CLIP1: variants seen among roughly 807,000 people sequenced by gnomAD.
CLIP1 encodes the protein CAP-Gly domain-containing linker protein 1.
CLIP1 carries 66 observed loss-of-function variants against 161.6 expected under a neutral mutation model. The observed-to-expected ratio is 0.41, with a 90% CI of 0.33 to 0.50. The LOEUF is 0.50. Among genes scored for constraint, CLIP1 ranks in the 20% least tolerant of loss-of-function variants. The pLI is 0.27. For missense variants in CLIP1, 1,376 were observed against 1,702.0 expected, an observed-to-expected ratio of 0.81 and a Z score of 3.37; for synonymous variants, 598 against 626.2, an observed-to-expected ratio of 0.96 and a Z score of 0.67.
intron 24 of CLIP1, chr12:122,277,431 CT>C (rs1955476110): frequency 6.6e-6 from 1 of 151,636 alleles, no homozygotes; most frequent in African/African-American, 2.4e-5. Context: ...ATCATCCCAC[CT>C]TGGCCTCCCA....
intron 1 of CLIP1, among the ~76,000 whole-genome samples, chr12:122,402,288 G>C (rs1412397301): frequency 6.6e-6 from 1 of 152,134 alleles, no homozygotes; most frequent in Non-Finnish European, 1.5e-5. Flanking sequence ...AGGATTTCAA[G>C]ACAAGCCTGA....
intron 10 of CLIP1, chr12:122,343,325 G>A (rs759496316): frequency 1.3e-5 from 2 of 152,024 alleles, no homozygotes; most frequent in Non-Finnish European, 2.9e-5. Context: ...TAGAGACGGG[G>A]TTTCACTATG....
At chr12:122,403,862 A>G (rs1956227032) in intron 1 of CLIP1, among the ~76,000 whole-genome samples, 1 of 152,084 alleles carries the variant, frequency 6.6e-6, no homozygotes, top group Admixed American at 6.6e-5. Flanking sequence ...CACCTGGGAA[A>G]CTTGTTAGTC....
intron 1 of CLIP1, among the ~76,000 whole-genome samples, chr12:122,390,296 A>ATG (rs1955589886): frequency 1.5e-5 from 2 of 131,064 alleles, no homozygotes; most frequent in African/African-American, 5.9e-5. Flanking sequence ...ATATATATAT[A>ATG]TATATATGTA....
rs575232767 is a variant in CLIP1 at position 122,357,877 on chromosome 12, G to C, written c.1006-2565C>G. Among the ~76,000 whole-genome samples the C allele has an allele frequency of 3.7e-3, 567 of 151,400 alleles. 2 individuals carry two copies. The highest frequency in any genetic ancestry group is 0.013 in the African/African-American group (539 of 41,214). On this transcript the variant is annotated intron_variant, in intron 5 of 25. Transcript: ENST00000620786. Reference sequence around the variant, plus strand: ...TGGGAGGTGAGGGGCGCCTCTGCTCGGCCGCCCCTACTGGGAAGTGAGGAG... The same window carrying C: ...TGGGAGGTGAGGGGCGCCTCTGCTCCGCCGCCCCTACTGGGAAGTGAGGAG...
chr12:122,422,285 C>G (rs1956976991), intron 1 of CLIP1, among the ~76,000 whole-genome samples: 1 of 151,788 alleles, frequency 6.6e-6, no homozygotes, highest in Non-Finnish European at 1.5e-5. Context: ...GCTGACAGGG[C>G]CGCCACTTTT....
chr12:122,357,469 C>T (rs1423296199), intron 5 of CLIP1, among the ~76,000 whole-genome samples: 7 of 149,622 alleles, frequency 4.7e-5, no homozygotes, highest in South Asian at 2.1e-4. Context: ...AAGTGAGGAG[C>T]GTCTCCGCCC....
chr12:122,406,624 A>AC (rs910387470), intron 1 of CLIP1, among the ~76,000 whole-genome samples: 53 of 152,300 alleles, frequency 3.5e-4, no homozygotes, highest in African/African-American at 9.9e-4. Context: ...GAGTAGACAT[A>AC]CCCCTTTGAA....
intron 21 of CLIP1, among the ~76,000 whole-genome samples, chr12:122,287,785 AAAC>A (rs1486204237): frequency 1.3e-5 from 2 of 152,226 alleles, no homozygotes; most frequent in African/African-American, 4.8e-5. Context: ...AAGCAAATAG[AAAC>A]ACTTAAAATC....
At chr12:122,343,072 C>T (rs1952578229) in intron 10 of CLIP1, 1 of 149,666 alleles carries the variant, frequency 6.7e-6, no homozygotes. Context: ...TCAAATGTTT[C>T]AATGAATAAC....
intron 20 of CLIP1, among the ~76,000 whole-genome samples, chr12:122,293,183 A>G (rs1049665685): frequency 2.6e-5 from 4 of 152,146 alleles, no homozygotes; most frequent in Non-Finnish European, 2.9e-5. Flanking sequence ...GTGAATGGAC[A>G]TTTTACCAAA....
Position 122,341,191 on chromosome 12 carries a change from T to G in CLIP1, c.2013A>C (p.Gln671His). The G allele has an allele frequency of 6.2e-7, 1 of 1,614,214 alleles. No homozygotes were observed. Among genetic ancestry groups the G allele is most frequent in the Non-Finnish European group, 8.5e-7 (1 of 1,180,038 alleles). Residue 671 changes from glutamine to histidine, a missense_variant, in exon 11 of 26, where the codon CAA (glutamine) becomes CAC (histidine). Physicochemically the swap from Gln to His is conservative, Grantham distance 24. Transcript: ENST00000620786. ...GATTCTGCAAATTTTCTATTTCGTG[T>G]TGGTAATCTAGTCTCATTTTCTCTA... ...TQIEKMRLDY[Q>H]HEIENLQNQQ...
At chr12:122,292,167 A>AT (rs1303619189) in intron 20 of CLIP1, among the ~76,000 whole-genome samples, 4,922 of 137,974 alleles carry the variant, frequency 0.036, 224 homozygotes, top group African/African-American at 0.11. Context: ...AATTTTTTGT[A>AT]TTTTTTTTTT....
chr12:122,277,015 G>A (rs73421765), intron 24 of CLIP1: 4,615 of 155,890 alleles, frequency 0.03, 169 homozygotes, highest in African/African-American at 0.081. Context: ...GCCTAAGTGC[G>A]GTGGCATGAT....
chr12:122,420,908 C>T (rs977382032), intron 1 of CLIP1, among the ~76,000 whole-genome samples: 1 of 151,396 alleles, frequency 6.6e-6, no homozygotes, highest in African/African-American at 2.4e-5. Context: ...GCACTCTGGC[C>T]GGGGGGACAG....
intron 1 of CLIP1, among the ~76,000 whole-genome samples, chr12:122,398,037 T>C (rs888941867): frequency 6.6e-6 from 1 of 152,124 alleles, no homozygotes; most frequent in African/African-American, 2.4e-5. Flanking sequence ...AGTGGCAAGC[T>C]TATTTTATGT....
intron 7 of CLIP1, among the ~76,000 whole-genome samples, chr12:122,353,222 G>A (rs527998997): frequency 1.1e-4 from 16 of 152,274 alleles, no homozygotes; most frequent in Admixed American, 2.6e-4. Flanking sequence ...GCGTGCACCC[G>A]TGTCAACTAC....
At chr12:122,326,006 C>T (rs7972404) in intron 17 of CLIP1, among the ~76,000 whole-genome samples, 3,065 of 152,288 alleles carry the variant, frequency 0.02, 110 homozygotes, top group African/African-American at 0.07. Context: ...CATTAGGCAG[C>T]ACAGCTATAG....
intron 21 of CLIP1, among the ~76,000 whole-genome samples, chr12:122,286,915 T>C (rs1181659066): frequency 6.6e-6 from 1 of 151,980 alleles, no homozygotes; most frequent in Admixed American, 6.6e-5. Flanking sequence ...GGAGAATCGC[T>C]TGAACCCAGG....
Sources: gnomAD v4.1 joint callset for allele counts (sites outside exome capture counted in the v4.1 genomes callset) on GRCh38, gnomAD v4.1.1 for gene constraint, MANE v1.5 for transcripts, NCBI Gene and HGNC (gene_info 2026-07-23, HGNC 2026-07-21) for gene names.